PDZD8: variants seen among roughly 807,000 people sequenced by gnomAD.
The protein encoded by PDZD8 is PDZ domain containing 8.
A neutral mutation model predicts 85.8 loss-of-function variants in PDZD8; 14 were observed. That is an observed-to-expected ratio of 0.16 (90% CI 0.11 to 0.26). The LOEUF is 0.26. Ranked by LOEUF, PDZD8 falls within the 10% of genes least tolerant of loss-of-function variation. PDZD8 has a pLI of 1.00. For missense variants in PDZD8, 1,197 were observed against 1,424.3 expected (o/e 0.84, Z 2.57); for synonymous variants, 592 against 568.6 (o/e 1.04, Z -0.59).
At chr10:117,354,651 C>T (rs571926694) in intron 1 of PDZD8, among the ~76,000 whole-genome samples, 1 of 152,222 alleles carries the variant, frequency 6.6e-6, no homozygotes, top group East Asian at 1.9e-4. Flanking sequence ...CAGGAATACA[C>T]ACAACACTAT....
At chr10:117,306,829 T>C (rs960061323) in intron 3 of PDZD8, among the ~76,000 whole-genome samples, 35 of 152,168 alleles carry the variant, frequency 2.3e-4, no homozygotes, top group African/African-American at 8.2e-4. Context: ...ATATTATTTT[T>C]CTGAACTATT....
At chr10:117,293,822 A>G (rs1011933620) in intron 3 of PDZD8, among the ~76,000 whole-genome samples, 9 of 152,156 alleles carry the variant, frequency 5.9e-5, no homozygotes, top group South Asian at 2.1e-4. Context: ...CATGAAACAA[A>G]TATCAGTAAT....
chr10:117,360,635 T>C (rs1181598510), intron 1 of PDZD8, among the ~76,000 whole-genome samples: 1 of 151,944 alleles, frequency 6.6e-6, no homozygotes, highest in African/African-American at 2.4e-5. Context: ...GATCACATAG[T>C]AAATGGTGCA....
rs530124559 is a variant in PDZD8, at chr10:117,303,722, C to T, written c.1099-13374G>A. On this transcript the variant is annotated intron_variant, in intron 3 of 4. Coordinates refer to ENST00000334464, the MANE Select transcript of PDZD8 (RefSeq NM_173791.5). ...GCCTAGGGACTTAGTGCCCTGTTGT[C>T]CTAGCCACTCCAGCTGTGGCTGAAA... Among the ~76,000 whole-genome samples, 165 of 152,364 alleles carry T rather than the reference C, an allele frequency of 1.1e-3. 1 individual carries two copies. The highest frequency in any genetic ancestry group is 3.7e-3 in the African/African-American group (154 of 41,594).
At chr10:117,322,814 G>C (rs979982404) in intron 2 of PDZD8, among the ~76,000 whole-genome samples, 39 of 152,090 alleles carry the variant, frequency 2.6e-4, no homozygotes, top group Non-Finnish European at 1.5e-5. Flanking sequence ...AGATAAGCCT[G>C]GTCAGGGAAT....
intron 2 of PDZD8, among the ~76,000 whole-genome samples, chr10:117,327,671 C>A (rs948481978): frequency 1.3e-5 from 2 of 152,248 alleles, no homozygotes; most frequent in African/African-American, 4.8e-5. Context: ...AAAGCCAATT[C>A]AATCTATAAT....
chr10:117,354,963 T>C (rs929475358), intron 1 of PDZD8, among the ~76,000 whole-genome samples: 1 of 152,350 alleles, frequency 6.6e-6, no homozygotes, highest in East Asian at 1.9e-4. Flanking sequence ...TTTTATGGCA[T>C]ACATTATCAT....
chr10:117,372,826 A>T (rs964771449), intron 1 of PDZD8, among the ~76,000 whole-genome samples: 2 of 152,202 alleles, frequency 1.3e-5, no homozygotes, highest in African/African-American at 4.8e-5. Context: ...TGTTAGCCTA[A>T]ACAAAACATA....
intron 4 of PDZD8, 54 bp downstream of exon 4, chr10:117,290,132 C>G (rs1002930965): frequency 1.4e-6 from 2 of 1,452,740 alleles, no homozygotes; most frequent in Non-Finnish European, 1.8e-6. Flanking sequence ...AACCTCACAC[C>G]TACTTTGTAG....
At chr10:117,332,787 G>T (rs1489427729) in intron 2 of PDZD8, among the ~76,000 whole-genome samples, 1 of 150,282 alleles carries the variant, frequency 6.7e-6, no homozygotes. Context: ...GATTACAGGC[G>T]TGAATCACCA....
intron 1 of PDZD8, among the ~76,000 whole-genome samples, chr10:117,346,735 T>C (rs530406984): frequency 1.8e-4 from 27 of 152,112 alleles, no homozygotes; most frequent in Admixed American, 3.3e-4. Flanking sequence ...CCTGCCCTCT[T>C]TTCCTTGTCA....
chr10:117,351,165 C>T (rs377331787), intron 1 of PDZD8, among the ~76,000 whole-genome samples: 11 of 152,154 alleles, frequency 7.2e-5, no homozygotes, highest in African/African-American at 2.7e-4. Context: ...TATGACTCTG[C>T]AATCCTACTC....
At chr10:117,366,323 T>G (rs1455137480) in intron 1 of PDZD8, among the ~76,000 whole-genome samples, 2 of 152,244 alleles carry the variant, frequency 1.3e-5, no homozygotes, top group African/African-American at 4.8e-5. Context: ...AATATTTTTA[T>G]GCAGAAAATT....
At chr10:117,350,419 C>T (rs1315036060) in intron 1 of PDZD8, among the ~76,000 whole-genome samples, 2 of 151,418 alleles carry the variant, frequency 1.3e-5, no homozygotes, top group Non-Finnish European at 2.9e-5. Context: ...GTGCCCACTA[C>T]CACGTTCGGT....
At chr10:117,345,845 T>C (rs572707418) in intron 1 of PDZD8, among the ~76,000 whole-genome samples, 6 of 152,282 alleles carry the variant, frequency 3.9e-5, no homozygotes, top group Non-Finnish European at 8.8e-5. Context: ...GAATAGGCTG[T>C]AAAACGTTTC....
chr10:117,293,381 A>G (rs944158799), intron 3 of PDZD8, among the ~76,000 whole-genome samples: 1 of 152,026 alleles, frequency 6.6e-6, no homozygotes, highest in Non-Finnish European at 1.5e-5. Context: ...ATAAATAGAA[A>G]CCCTAAATAT....
intron 2 of PDZD8, among the ~76,000 whole-genome samples, chr10:117,325,920 G>A (rs914237808): frequency 5.3e-5 from 8 of 152,072 alleles, no homozygotes; most frequent in African/African-American, 9.7e-5. Context: ...TTGGATCGTG[G>A]GGATGGTTTC....
intron 3 of PDZD8, among the ~76,000 whole-genome samples, chr10:117,296,661 T>C (rs1037770373): frequency 1.2e-4 from 18 of 152,126 alleles, no homozygotes; most frequent in African/African-American, 3.6e-4. Flanking sequence ...ACAACACTTA[T>C]ATGGTCAATT....
chr10:117,324,571 G>A (rs1032812136), intron 2 of PDZD8, among the ~76,000 whole-genome samples: 20 of 152,078 alleles, frequency 1.3e-4, no homozygotes, highest in South Asian at 4.1e-4. Context: ...TTGCTTATTC[G>A]TCAAGATTCA....
Sources: gnomAD v4.1 joint callset for allele counts (sites outside exome capture counted in the v4.1 genomes callset) on GRCh38, gnomAD v4.1.1 for gene constraint, MANE v1.5 for transcripts, NCBI Gene and HGNC (gene_info 2026-07-23, HGNC 2026-07-21) for gene names.